Variants in DRICH1 observed in about 807,000 individuals in gnomAD.
DRICH1 encodes the protein aspartate rich 1.
In DRICH1, 38 loss-of-function variants were observed where a neutral mutation model predicts 39.5. That is an observed-to-expected ratio of 0.96 (90% CI 0.74 to 1.26). DRICH1 has a LOEUF of 1.26. Among genes scored for constraint, DRICH1 ranks in the 50% most tolerant of loss-of-function variants. The probability of loss-of-function intolerance (pLI) is 0.00; values close to 1 mark genes in which losing one functional copy is unlikely to be tolerated. For missense variants in DRICH1, 279 were observed against 270.4 expected (o/e 1.03, Z -0.22); for synonymous variants, 84 against 99.5 (o/e 0.84, Z 0.93).
At chr22:23,603,664 T>G (rs998075465), downstream of DRICH1, among the ~76,000 whole-genome samples, 2 of 152,066 alleles carry the variant, frequency 1.3e-5, no homozygotes, top group African/African-American at 4.8e-5. Flanking sequence ...CACCAGCCAG[T>G]GCTGCTTGAT....
chr22:23,631,073 T>C (rs970100872), intron 1 of DRICH1: 3 of 152,146 alleles, frequency 2.0e-5, no homozygotes, highest in African/African-American at 7.2e-5. Flanking sequence ...GGCACACTTT[T>C]ACCTACGTAA....
chr22:23,582,355 T>C, the DRICH1 span, among the ~76,000 whole-genome samples: 1 of 151,168 alleles, frequency 6.6e-6, no homozygotes, highest in East Asian at 1.9e-4. Flanking sequence ...ATCTTTTTCA[T>C]CTTGCAGAAC....
chr22:23,597,220 C>T, the DRICH1 span, among the ~76,000 whole-genome samples: 1 of 147,088 alleles, frequency 6.8e-6, no homozygotes, highest in African/African-American at 2.5e-5. Context: ...TGGCAGGACA[C>T]AGTGGCTTAC....
chr22:23,582,417 C>T, the DRICH1 span, among the ~76,000 whole-genome samples: 8 of 151,860 alleles, frequency 5.3e-5, no homozygotes, highest in Non-Finnish European at 8.8e-5. Flanking sequence ...CTCCCCCAGC[C>T]CCTGGCACCC....
chr22:23,592,987 G>A, the DRICH1 span, among the ~76,000 whole-genome samples: 40 of 151,596 alleles, frequency 2.6e-4, no homozygotes, highest in Admixed American at 7.2e-4. Flanking sequence ...AGCCATGATC[G>A]TGTCACTGCA....
the DRICH1 span, chr22:23,583,682 G>A: frequency 6.6e-6 from 1 of 152,358 alleles, no homozygotes; most frequent in Non-Finnish European, 1.5e-5. Flanking sequence ...GCAGTAATGG[G>A]ATGTGGACAC....
At chr22:23,606,278 G>A (rs1018218679), downstream of DRICH1, among the ~76,000 whole-genome samples, 2 of 152,056 alleles carry the variant, frequency 1.3e-5, no homozygotes, top group African/African-American at 4.8e-5. Flanking sequence ...TTTTGGGGCT[G>A]GACTGACCAC....
At chr22:23,622,327 G>A in intron 3 of DRICH1, 151 bp from the exon 4 acceptor site, 1 of 745,226 alleles carries the variant, frequency 1.3e-6, no homozygotes, top group Non-Finnish European at 2.4e-6. Context: ...GAAGAGGGAT[G>A]GCAGAGGAGG....
downstream of DRICH1, among the ~76,000 whole-genome samples, chr22:23,607,504 C>T (rs1192187674): frequency 6.7e-6 from 1 of 149,112 alleles, no homozygotes; most frequent in African/African-American, 2.5e-5. Flanking sequence ...GAGTCCCTGC[C>T]TTGGCCGTGG....
chr22:23,624,920 A>G lies in DRICH1; in HGVS notation c.277-16T>C, dbSNP rs1927970978. ...ATGGTAAAATCTGCAATGAGACAAAAGAAGATGCTATGAGGATCAGATCAA... is the reference window on the plus strand; with the variant it reads ...ATGGTAAAATCTGCAATGAGACAAAGGAAGATGCTATGAGGATCAGATCAA... On this transcript the variant is annotated splice_polypyrimidine_tract_variant and intron_variant, in intron 2 of 11. Coordinates refer to ENST00000317749, the MANE Select transcript of DRICH1 (RefSeq NM_016449.4). 1.9e-6 allele frequency: 3 copies of G among 1,612,354 alleles called. No homozygotes were observed. In the African/African-American group the frequency reaches 4.0e-5, roughly 22 times the overall value.
At chr22:23,592,115 G>A in the DRICH1 span, among the ~76,000 whole-genome samples, 1 of 152,232 alleles carries the variant, frequency 6.6e-6, no homozygotes, top group African/African-American at 2.4e-5. Context: ...TGGGGCTGGA[G>A]CATGGAGGGT....
At chr22:23,589,289 A>AAAAATAC in the DRICH1 span, among the ~76,000 whole-genome samples, 1 of 152,052 alleles carries the variant, frequency 6.6e-6, no homozygotes, top group Non-Finnish European at 1.5e-5. Flanking sequence ...TGTCTCTACA[A>AAAAATAC]AAAATACAAA....
intron 1 of DRICH1, among the ~76,000 whole-genome samples, chr22:23,628,988 G>A (rs891120797): frequency 1.3e-5 from 2 of 152,084 alleles, no homozygotes; most frequent in African/African-American, 4.8e-5. Flanking sequence ...TCAGATATAT[G>A]AGTACTAACC....
chr22:23,612,769 C>G (rs1927117615), intron 11 of DRICH1, among the ~76,000 whole-genome samples: 1 of 152,166 alleles, frequency 6.6e-6, no homozygotes. Context: ...ACCATCCACT[C>G]CGGGAGATCC....
chr22:23,622,834 G>A (rs188546685), intron 3 of DRICH1, among the ~76,000 whole-genome samples: 12 of 152,216 alleles, frequency 7.9e-5, no homozygotes, highest in East Asian at 1.9e-4. Context: ...AGGAGATTCC[G>A]TAAAGATCAG....
chr22:23,615,069 T>G (rs7286125), intron 8 of DRICH1, among the ~76,000 whole-genome samples: 1,638 of 152,288 alleles, frequency 0.011, 22 homozygotes, highest in African/African-American at 0.035. Context: ...TGGTTAGCTA[T>G]CTTATATAAA....
At chr22:23,603,579 G>A (rs149100761), downstream of DRICH1, among the ~76,000 whole-genome samples, 1,081 of 152,200 alleles carry the variant, frequency 7.1e-3, 15 homozygotes, top group African/African-American at 0.024. Flanking sequence ...CTCTCCCTCC[G>A]TGTCCCCCAG....
the DRICH1 span, among the ~76,000 whole-genome samples, chr22:23,595,033 G>C: frequency 4.7e-5 from 7 of 149,494 alleles, no homozygotes; most frequent in Non-Finnish European, 5.9e-5. Context: ...TGGGTGAGAA[G>C]AGAGGAAAGC....
chr22:23,601,966 C>G, the DRICH1 span, among the ~76,000 whole-genome samples: 2 of 150,572 alleles, frequency 1.3e-5, no homozygotes, highest in Non-Finnish European at 3.0e-5. Context: ...CTGTGGGAGG[C>G]TGAGAGCAGG....
Sources: allele counts gnomAD v4.1 joint callset (sites outside exome capture counted in the v4.1 genomes callset), GRCh38; gene constraint gnomAD v4.1.1; transcripts MANE v1.5; gene names NCBI Gene and HGNC (gene_info 2026-07-23, HGNC 2026-07-21).